AUTS2: variants seen among roughly 807,000 people sequenced by gnomAD.
The protein encoded by AUTS2 is autism susceptibility gene 2 protein.
AUTS2 carries 17 observed loss-of-function variants against 112.4 expected under a neutral mutation model. The observed-to-expected ratio is 0.15, with a 90% confidence interval of 0.10 to 0.23. The LOEUF (loss-of-function observed/expected upper bound fraction) is 0.23, where lower values mean the gene tolerates loss of function less well. AUTS2 is among the 10% of genes least tolerant of loss of function. The pLI, the probability that AUTS2 is intolerant of heterozygous loss-of-function variation, is 1.00. For synonymous variants in AUTS2, 751 were observed against 702.7 expected (o/e 1.07, Z -1.09); for missense variants, 1,510 against 1,701.6 (o/e 0.89, Z 1.98).
chr7:69,602,018 GTGTATATATATA>G (rs758919743), intron 1 of AUTS2, among the ~76,000 whole-genome samples: 2 of 23,060 alleles, frequency 8.7e-5, no homozygotes, highest in Non-Finnish European at 1.9e-4. Flanking sequence ...ATATGTGTGT[GTGTATATATATA>G]TATATATATA....
chr7:70,376,127 G>A (rs995862413), intron 4 of AUTS2, among the ~76,000 whole-genome samples: 1 of 152,110 alleles, frequency 6.6e-6, no homozygotes, highest in African/African-American at 2.4e-5. Context: ...ACTGAAGAAA[G>A]GGATAAATGA....
chr7:70,787,518 C>G, intron 18 of AUTS2, 87 bp downstream of exon 18: 1 of 991,616 alleles, frequency 1.0e-6, no homozygotes, highest in Non-Finnish European at 1.5e-6. Context: ...CCCTCCCTGT[C>G]CCAGCCTCGT....
chr7:70,655,056 C>A (rs905495351), intron 5 of AUTS2, among the ~76,000 whole-genome samples: 10 of 152,208 alleles, frequency 6.6e-5, no homozygotes, highest in African/African-American at 2.4e-4. Flanking sequence ...TTTCGGAACT[C>A]GGATTCAGAA....
intron 2 of AUTS2, among the ~76,000 whole-genome samples, chr7:69,951,698 G>T (rs1265042593): frequency 6.6e-6 from 1 of 152,114 alleles, no homozygotes. Flanking sequence ...ATGGCAGCTG[G>T]GTTTTTCATT....
At chr7:69,910,019 C>G (rs1452219348) in intron 2 of AUTS2, among the ~76,000 whole-genome samples, 2 of 152,176 alleles carry the variant, frequency 1.3e-5, no homozygotes. Context: ...CTGGTGTGCA[C>G]TGCTGGAAGG....
At chr7:69,603,838 C>G (rs2129071747) in intron 1 of AUTS2, among the ~76,000 whole-genome samples, 1 of 152,254 alleles carries the variant, frequency 6.6e-6, no homozygotes, top group South Asian at 2.1e-4. Context: ...ATGTTGGGGT[C>G]CTACTACCAT....
intron 4 of AUTS2, among the ~76,000 whole-genome samples, chr7:70,323,428 G>A (rs929623197): frequency 6.6e-6 from 1 of 152,164 alleles, no homozygotes. Context: ...TAAAGGGTTT[G>A]GAGATAAGGG....
intron 1 of AUTS2, among the ~76,000 whole-genome samples, chr7:69,669,089 A>G (rs1584039581): frequency 6.6e-6 from 1 of 152,192 alleles, no homozygotes; most frequent in African/African-American, 2.4e-5. Flanking sequence ...TCTGAAAAAC[A>G]GACATGTTTT....
At chr7:70,379,528 A>T (rs1793272502) in intron 4 of AUTS2, among the ~76,000 whole-genome samples, 1 of 151,830 alleles carries the variant, frequency 6.6e-6, no homozygotes, top group Non-Finnish European at 1.5e-5. Context: ...AGAAAGAAAA[A>T]CTATCATTAG....
intron 1 of AUTS2, among the ~76,000 whole-genome samples, chr7:69,883,874 A>G (rs1428501542): frequency 6.6e-6 from 1 of 152,178 alleles, no homozygotes; most frequent in Non-Finnish European, 1.5e-5. Context: ...TTACAAATAT[A>G]TACGCGTTTG....
At position 69,991,757 on chromosome 7, in the gene AUTS2, C is replaced by G. The variant is rs118168153; in HGVS notation, c.522+92259C>G. Among the ~76,000 whole-genome samples, 29 of 152,304 alleles carry G rather than the reference C, an allele frequency of 1.9e-4. No homozygotes were observed. In the East Asian group the frequency reaches 4.4e-3, roughly 23 times the overall value. The stretch of plus-strand genomic sequence containing the variant: ...GAAAGGCCTTGAAACCATCCGATCT[C>G]AATCCTGTACCTTAAAAATTGGGAA... On this transcript the variant is annotated intron_variant, in intron 2 of 18. Coordinates refer to ENST00000342771, the MANE Select transcript of AUTS2 (RefSeq NM_015570.4).
At chr7:70,267,367 C>T (rs950344876) in intron 4 of AUTS2, among the ~76,000 whole-genome samples, 2 of 151,448 alleles carry the variant, frequency 1.3e-5, no homozygotes, top group African/African-American at 4.9e-5. Context: ...TTTTTTCCCT[C>T]CTGAATGCTG....
Position 70,583,451 on chromosome 7 carries a change from G to A in AUTS2, c.691-115118G>A, listed in dbSNP as rs149980306. ...AGTGAATTCCCTGATCTCCCTGCTC[G>A]AGGCAGAGGGAGAGGGGGCCTGTTT... On this transcript the variant is annotated intron_variant, in intron 5 of 18. Coordinates refer to ENST00000342771, the MANE Select transcript of AUTS2 (RefSeq NM_015570.4). Among the ~76,000 whole-genome samples the A allele has an allele frequency of 2.3e-4, 35 of 152,302 alleles. No homozygotes were observed. The South Asian group carries it at 5.8e-3, about 25-fold the overall frequency.
intron 4 of AUTS2, among the ~76,000 whole-genome samples, chr7:70,375,716 G>A (rs1793054359): frequency 2.6e-5 from 4 of 152,144 alleles, no homozygotes; most frequent in Non-Finnish European, 5.9e-5. Flanking sequence ...TGGAATACAA[G>A]TGTGTAAGGT....
intron 1 of AUTS2, among the ~76,000 whole-genome samples, chr7:69,642,252 C>G (rs1478799514): frequency 2.0e-5 from 3 of 152,110 alleles, no homozygotes; most frequent in African/African-American, 7.2e-5. Flanking sequence ...CTGGAACTCT[C>G]AAAAGGCTGC....
At chr7:70,480,101 T>C (rs1318163034) in intron 5 of AUTS2, among the ~76,000 whole-genome samples, 2 of 152,230 alleles carry the variant, frequency 1.3e-5, no homozygotes, top group Admixed American at 6.5e-5. Context: ...CAGATTATCT[T>C]GGCAGATCTC....
At chr7:69,757,874 CTCTACACAT>C (rs1372379040) in intron 1 of AUTS2, among the ~76,000 whole-genome samples, 6 of 152,208 alleles carry the variant, frequency 3.9e-5, no homozygotes, top group African/African-American at 1.4e-4. Context: ...CATGCTTCCT[CTCTACACAT>C]TTCAGTCTAA....
intron 5 of AUTS2, among the ~76,000 whole-genome samples, chr7:70,516,892 G>T (rs549034021): frequency 5.5e-4 from 83 of 152,064 alleles, no homozygotes; most frequent in African/African-American, 2.0e-3. Context: ...ATTTTACATT[G>T]TTTGATCATC....
At chr7:70,747,800 C>CTTTGT (rs1554476675) in intron 6 of AUTS2, among the ~76,000 whole-genome samples, 2 of 146,188 alleles carry the variant, frequency 1.4e-5, no homozygotes, top group African/African-American at 2.6e-5. Context: ...GAGCTCATTT[C>CTTTGT]TTTATTTTAT....
Sources: gnomAD v4.1 joint callset for allele counts (sites outside exome capture counted in the v4.1 genomes callset) on GRCh38, gnomAD v4.1.1 for gene constraint, MANE v1.5 for transcripts, NCBI Gene and HGNC (gene_info 2026-07-23, HGNC 2026-07-21) for gene names.